The following TRDN variants were observed in gnomAD, a reference collection of about 807,000 sequenced individuals.
TRDN encodes the protein triadin in skeletal muscle.
Under a neutral mutation model 149.7 loss-of-function variants are expected in TRDN, and 161 were observed. That is an observed-to-expected ratio of 1.08 (90% CI 0.95 to 1.23). TRDN has a LOEUF of 1.23. Among genes scored for constraint, TRDN ranks in the 50% most tolerant of loss-of-function variants. TRDN has a pLI of 0.00. For missense variants in TRDN, 896 were observed against 823.5 expected, an observed-to-expected ratio of 1.09 and a Z score of -1.08; for synonymous variants, 294 against 250.5, an observed-to-expected ratio of 1.17 and a Z score of -1.64.
intron 1 of TRDN, among the ~76,000 whole-genome samples, chr6:123,610,782 T>C (rs1179224522): frequency 2.6e-5 from 4 of 152,210 alleles, no homozygotes; most frequent in African/African-American, 9.6e-5. Flanking sequence ...TGGTCCCTCA[T>C]GTTTTTCATA....
At position 123,267,733 on chromosome 6, in the gene TRDN, T is replaced by A; in HGVS notation, c.1757A>T (p.Glu586Val). 1 of 1,580,788 alleles carries A rather than the reference T, an allele frequency of 6.3e-7. No individual in the cohort carries two copies. The highest frequency in any genetic ancestry group is 8.6e-7 in the Non-Finnish European group (1 of 1,162,590). Reference protein sequence around the residue: ...PKPTKKAEHREREPPSIKTDK... With the variant: ...PKPTKKAEHRVREPPSIKTDK... ...TGTTTTTATAGATGGAGGTTCTCTTTCTCGATGTTCAGCTTTTTCTAGAGA... is the reference window on the plus strand; with the variant it reads ...TGTTTTTATAGATGGAGGTTCTCTTACTCGATGTTCAGCTTTTTCTAGAGA... The change falls in exon 32 of 41, where the codon GAA becomes GTA. Residue 586 changes from glutamate to valine, a missense_variant. Glu to Val is a moderately radical substitution (Grantham distance 121). Coordinates refer to ENST00000334268, the MANE Select transcript of TRDN (RefSeq NM_006073.4).
chr6:123,564,220 A>T (rs1782157938), intron 2 of TRDN, among the ~76,000 whole-genome samples: 1 of 152,136 alleles, frequency 6.6e-6, no homozygotes, highest in Non-Finnish European at 1.5e-5. Flanking sequence ...GACCAAGAGG[A>T]CCAAATAGGC....
At chr6:123,598,656 C>G (rs1260326456) in intron 1 of TRDN, among the ~76,000 whole-genome samples, 1 of 152,080 alleles carries the variant, frequency 6.6e-6, no homozygotes, top group East Asian at 1.9e-4. Flanking sequence ...CACACCCATT[C>G]ATTTTCATAT....
intron 33 of TRDN, among the ~76,000 whole-genome samples, chr6:123,261,006 A>G (rs1028677859): frequency 6.6e-6 from 1 of 151,838 alleles, no homozygotes; most frequent in African/African-American, 2.4e-5. Context: ...TAGAATTTTT[A>G]TAACACAAAA....
At chr6:123,497,293 T>C in intron 8 of TRDN, 41 bp from the exon 9 acceptor site, 1 of 1,351,970 alleles carries the variant, frequency 7.4e-7, no homozygotes, top group Non-Finnish European at 9.9e-7. Flanking sequence ...AAAAATGTCA[T>C]CAACACTTCA....
At chr6:123,314,779 G>A (rs1282035255) in intron 24 of TRDN, among the ~76,000 whole-genome samples, 1 of 151,980 alleles carries the variant, frequency 6.6e-6, no homozygotes, top group African/African-American at 2.4e-5. Flanking sequence ...ACTTGTAAGC[G>A]GGAGCTAAAT....
intron 1 of TRDN, among the ~76,000 whole-genome samples, chr6:123,572,010 A>G (rs1199797692): frequency 6.6e-6 from 1 of 152,150 alleles, no homozygotes; most frequent in African/African-American, 2.4e-5. Context: ...CAAATAACAT[A>G]ATCACTTTTA....
chr6:123,258,012 T>C (rs1198507382), intron 35 of TRDN, among the ~76,000 whole-genome samples: 1 of 152,218 alleles, frequency 6.6e-6, no homozygotes, highest in East Asian at 1.9e-4. Context: ...TGAAGTTACT[T>C]ACCAGCTCAA....
At chr6:123,462,524 T>C (rs535323441) in intron 10 of TRDN, among the ~76,000 whole-genome samples, 1 of 152,314 alleles carries the variant, frequency 6.6e-6, no homozygotes, top group East Asian at 1.9e-4. Flanking sequence ...TATTTGTTTC[T>C]AGTCTCCTGT....
intron 12 of TRDN, among the ~76,000 whole-genome samples, chr6:123,397,624 G>A (rs970242673): frequency 1.3e-5 from 2 of 152,080 alleles, no homozygotes; most frequent in Non-Finnish European, 2.9e-5. Flanking sequence ...TTAAGATGAC[G>A]CAAAATCTCT....
intron 9 of TRDN, among the ~76,000 whole-genome samples, chr6:123,467,017 T>G (rs1369354695): frequency 1.3e-5 from 2 of 152,138 alleles, no homozygotes; most frequent in Non-Finnish European, 2.9e-5. Flanking sequence ...TTTAGATTTA[T>G]CTGAAGGAAA....
At chr6:123,261,066 A>G (rs1776754961) in intron 33 of TRDN, among the ~76,000 whole-genome samples, 1 of 151,780 alleles carries the variant, frequency 6.6e-6, no homozygotes, top group Non-Finnish European at 1.5e-5. Context: ...TGCCTATATC[A>G]AAATATCTCA....
chr6:123,436,397 A>G (rs1774563748), intron 12 of TRDN, among the ~76,000 whole-genome samples: 1 of 152,050 alleles, frequency 6.6e-6, no homozygotes, highest in African/African-American at 2.4e-5. Context: ...TGGGCAATCA[A>G]CTCTTGGACA....
chr6:123,505,231 C>G, intron 7 of TRDN, among the ~76,000 whole-genome samples: 1 of 48,856 alleles, frequency 2.0e-5, no homozygotes, highest in East Asian at 7.2e-4. Flanking sequence ...GCAACAAGAG[C>G]AAAACTCTGT....
At chr6:123,260,370 G>T (rs1562234592) in intron 34 of TRDN, among the ~76,000 whole-genome samples, 1 of 151,964 alleles carries the variant, frequency 6.6e-6, no homozygotes, top group Non-Finnish European at 1.5e-5. Context: ...TTAGACAAAA[G>T]TGAGAAGAAA....
intron 1 of TRDN, among the ~76,000 whole-genome samples, chr6:123,626,328 C>A (rs1411431631): frequency 3.3e-5 from 5 of 152,052 alleles, no homozygotes; most frequent in Admixed American, 6.6e-5. Flanking sequence ...CAAAAACATA[C>A]AAAAATTAGC....
intron 10 of TRDN, among the ~76,000 whole-genome samples, chr6:123,442,550 A>G (rs1161058391): frequency 1.1e-5 from 1 of 95,060 alleles, no homozygotes; most frequent in Non-Finnish European, 2.0e-5. Context: ...CGTCTCAAAA[A>G]AAAAAAAAAA....
chr6:123,357,002 T>G (rs897324618), intron 20 of TRDN, among the ~76,000 whole-genome samples: 5 of 151,754 alleles, frequency 3.3e-5, no homozygotes, highest in Non-Finnish European at 5.9e-5. Flanking sequence ...TTTCTCTTCC[T>G]TCTACTTTCC....
chr6:123,279,312 G>C (rs1020799433), intron 24 of TRDN, among the ~76,000 whole-genome samples: 1 of 151,954 alleles, frequency 6.6e-6, no homozygotes, highest in African/African-American at 2.4e-5. Context: ...CAGGTTTTAG[G>C]CCATATAGTC....
Sources: allele counts gnomAD v4.1 joint callset (sites outside exome capture counted in the v4.1 genomes callset), GRCh38; gene constraint gnomAD v4.1.1; transcripts MANE v1.5; gene names NCBI Gene and HGNC (gene_info 2026-07-23, HGNC 2026-07-21).